COL12A1: variants seen among roughly 807,000 people sequenced by gnomAD.
COL12A1 encodes collagen type XII alpha 1 chain.
In COL12A1, 114 loss-of-function variants were observed where a neutral mutation model predicts 349.7. The ratio of observed to expected loss-of-function variants is 0.33; its 90% CI spans 0.28 to 0.38. COL12A1 has a LOEUF of 0.38. COL12A1 is among the 10% of genes least tolerant of loss of function. COL12A1 has a pLI of 1.00. For missense variants in COL12A1, 3,284 were observed against 3,756.9 expected, an observed-to-expected ratio of 0.87 and a Z score of 3.29; for synonymous variants, 1,369 against 1,329.0, an observed-to-expected ratio of 1.03 and a Z score of -0.66.
chr6:75,091,581 C>T, intron 60 of COL12A1, 56 bp from the exon 61 acceptor site: 2 of 1,487,094 alleles, frequency 1.3e-6, no homozygotes, highest in East Asian at 4.5e-5. Flanking sequence ...TAAAATGATG[C>T]ATGAATAGAC....
chr6:75,143,197 T>C lies in COL12A1; in HGVS notation c.4827+55A>G, dbSNP rs1242199922. On this transcript the variant is annotated intron_variant, in intron 26 of 65. Transcript: ENST00000322507. ...CATCCATACTTGATAAAGTTCTTTT[T>C]TTAAACCTACTAGGAAAACAAATAT... 7 of 1,601,842 alleles carry C rather than the reference T, an allele frequency of 4.4e-6. No homozygotes were observed. The East Asian group carries it at 8.9e-5, about 20-fold the overall frequency.
At chr6:75,095,057 T>A in intron 60 of COL12A1, 51 bp downstream of exon 60, 1 of 1,516,116 alleles carries the variant, frequency 6.6e-7, no homozygotes, top group Non-Finnish European at 9.1e-7. Flanking sequence ...TTCTCATTAT[T>A]TATTTCCACG....
chr6:75,189,520 T>C, intron 6 of COL12A1, 32 bp downstream of exon 6: 1 of 1,593,634 alleles, frequency 6.3e-7, no homozygotes, highest in Non-Finnish European at 8.5e-7. Context: ...ATTTCATTTA[T>C]TTTTAACTTT....
rs1769795897 is a variant in COL12A1 at position 75,189,229 on chromosome 6, C to A, written c.811G>T (p.Val271Phe). 6.2e-7 allele frequency: 1 copy of A among 1,612,592 alleles called. No individual in the cohort carries two copies. Among genetic ancestry groups the A allele is most frequent in the African/African-American group, 1.3e-5 (1 of 74,856 alleles). Residue 271 changes from valine (V) to phenylalanine (F), a missense_variant, in exon 7 of 66, where the codon GTT (valine) becomes TTT (phenylalanine). Val to Phe is a conservative substitution (Grantham distance 50). Coordinates refer to ENST00000322507, the MANE Select transcript of COL12A1 (RefSeq NM_004370.6). ...GAACTTAACCTACCCAAGGAGAAAA[C>A]TTCAACTCCAACATTACGAAGCTCT... ...ARELRNVGVE[V>F]FSLGIKAADA...
chr6:75,197,297 A>C (rs1350348209), intron 2 of COL12A1, among the ~76,000 whole-genome samples: 2 of 97,156 alleles, frequency 2.1e-5, no homozygotes, highest in Non-Finnish European at 4.3e-5. Context: ...TGATGCTGGA[A>C]ATTTTCTTTT....
intron 37 of COL12A1, among the ~76,000 whole-genome samples, chr6:75,128,707 T>C (rs1293866573): frequency 6.6e-6 from 1 of 152,172 alleles, no homozygotes; most frequent in East Asian, 1.9e-4. Flanking sequence ...AGCAATGCCA[T>C]GTGTGCTTCA....
chr6:75,121,450 A>C lies in COL12A1; in HGVS notation c.6947-9T>G. The C allele has an allele frequency of 2.0e-6, 3 of 1,534,160 alleles. No homozygotes were observed. The highest frequency in any genetic ancestry group is 8.8e-7 in the Non-Finnish European group (1 of 1,132,798). ...CTTGGCCCCTTTGCATACTGCAAAAAAAGAAAGCAGAGGAAGCCCCAAATC... is the reference window on the plus strand; with the variant it reads ...CTTGGCCCCTTTGCATACTGCAAAACAAGAAAGCAGAGGAAGCCCCAAATC... On this transcript the variant is annotated splice_polypyrimidine_tract_variant and intron_variant, in intron 43 of 65. Coordinates refer to ENST00000322507, the MANE Select transcript of COL12A1 (RefSeq NM_004370.6).
In COL12A1 at chr6:75,148,503, C is replaced by T; in HGVS notation, c.4148-6G>A. The T allele has an allele frequency of 1.9e-6, 3 of 1,611,230 alleles. No homozygotes were observed. The highest frequency in any genetic ancestry group is 1.3e-5 in the African/African-American group (1 of 74,936). On this transcript the variant is annotated splice_polypyrimidine_tract_variant and splice_region_variant and intron_variant, in intron 21 of 65. Transcript: ENST00000322507. Reference sequence around the variant, plus strand: ...AGAAGGTGCTTCCAAATCACCTACACATGGAAATAAAGGGTATACACTTTT... The same window carrying T: ...AGAAGGTGCTTCCAAATCACCTACATATGGAAATAAAGGGTATACACTTTT...
intron 13 of COL12A1, among the ~76,000 whole-genome samples, chr6:75,169,366 C>T (rs1768502995): frequency 6.6e-6 from 1 of 152,156 alleles, no homozygotes; most frequent in South Asian, 2.1e-4. Context: ...TGCCAGAAGA[C>T]CAGTCTGTAG....
chr6:75,123,570 T>C (rs1765853735), intron 42 of COL12A1, among the ~76,000 whole-genome samples, 166 bp from the exon 43 acceptor site: 1 of 152,158 alleles, frequency 6.6e-6, no homozygotes, highest in African/African-American at 2.4e-5. Context: ...TCCATCCAAA[T>C]TGATGTCACT....
At position 75,183,914 on chromosome 6, in the gene COL12A1, T is replaced by C; in HGVS notation, c.1228A>G (p.Met410Val). Residue 410 changes from methionine (M) to valine (V), a missense_variant, in exon 9 of 66, where the codon ATG becomes GTG. Physicochemically the swap from Met to Val is conservative, Grantham distance 21 (BLOSUM62 1). Around this residue, in one of 2 missense-constraint regions of COL12A1, gnomAD observed 2,601 missense variants for 2,824.8 expected, o/e 0.92. Coordinates refer to ENST00000322507, the MANE Select transcript of COL12A1 (RefSeq NM_004370.6). ...YQISVSAMKG[M>V]TSSEPISIME... ...ATTGAAATGGGTTCACTGGATGTCA[T>C]TCCCTTCATGGCGGAAACACTGATC... The C allele has an allele frequency of 1.9e-6, 3 of 1,614,202 alleles. No individual in the cohort carries two copies. The highest frequency in any genetic ancestry group is 1.1e-5 in the South Asian group (1 of 91,088).
At chr6:75,143,165 A>C in intron 26 of COL12A1, 87 bp downstream of exon 26, 1 of 1,452,956 alleles carries the variant, frequency 6.9e-7, no homozygotes, top group Admixed American at 1.9e-5. Context: ...TATTCAAAAC[A>C]TGCTATCATC....
At chr6:75,156,677 C>T (rs999785549) in intron 14 of COL12A1, among the ~76,000 whole-genome samples, 154 bp from the exon 15 acceptor site, 4 of 152,100 alleles carry the variant, frequency 2.6e-5, no homozygotes, top group South Asian at 4.1e-4. Flanking sequence ...TTCATGATGG[C>T]GTGTGAGCCT....
At chr6:75,093,462 T>C (rs1297279526) in intron 60 of COL12A1, among the ~76,000 whole-genome samples, 1 of 152,150 alleles carries the variant, frequency 6.6e-6, no homozygotes, top group Non-Finnish European at 1.5e-5. Flanking sequence ...ATGCTATGTT[T>C]GGTTTCATTA....
At chr6:75,190,099 G>A (rs1442957927) in intron 5 of COL12A1, among the ~76,000 whole-genome samples, 6 of 151,856 alleles carry the variant, frequency 4.0e-5, no homozygotes, top group East Asian at 1.9e-4. Context: ...TCTGCTCTCC[G>A]GGAGCATAAA....
chr6:75,133,893 A>C lies in COL12A1; in HGVS notation c.5629T>G (p.Phe1877Val), dbSNP rs1416074718. 1.9e-5 allele frequency: 30 copies of C among 1,614,026 alleles called. No homozygotes were observed. The highest frequency in any genetic ancestry group is 2.5e-5 in the Non-Finnish European group (30 of 1,180,000). ...AEGNPRQYKLFYAPAAGGPEE... is the reference protein window; with the variant it reads ...AEGNPRQYKLVYAPAAGGPEE... ...GGACCACCTGCTGCTGGTGCATAGA[A>C]GAGCTTGTACTGACGAGGATTTCCC... is the stretch of plus-strand genomic sequence containing the variant. The change falls in exon 33 of 66, where the codon TTC (phenylalanine) becomes GTC (valine). Residue 1877 changes from phenylalanine to valine, a missense_variant. This residue lies in a region of COL12A1 where 2,601 missense variants were observed against 2,824.8 expected (regional missense o/e 0.92). Coordinates refer to ENST00000322507, the MANE Select transcript of COL12A1 (RefSeq NM_004370.6).
chr6:75,129,505 G>C (rs906981058), intron 37 of COL12A1, among the ~76,000 whole-genome samples: 2 of 152,196 alleles, frequency 1.3e-5, no homozygotes, highest in African/African-American at 4.8e-5. Context: ...AAATGGATGT[G>C]CATAGTGAGG....
rs1188817520 is a variant in COL12A1 at position 75,121,365 on chromosome 6, T to C, written c.7023A>G (p.Lys2341=). 19 of 1,611,948 alleles carry C rather than the reference T, an allele frequency of 1.2e-5. No individual in the cohort carries two copies. The highest frequency in any genetic ancestry group is 1.5e-5 in the Non-Finnish European group (18 of 1,178,638). ...SWSIGDDNFN[K]VVKFIFNTVG... Reference sequence around the variant, plus strand: ...CAGTATTGAAGATGAATTTTACAACTTTGTTAAAATTATCGTCCCCAATGC... The same window carrying C: ...CAGTATTGAAGATGAATTTTACAACCTTGTTAAAATTATCGTCCCCAATGC... Residue 2341 remains lysine (K), a synonymous_variant, in exon 44 of 66, where the codon AAA becomes AAG. Transcript: ENST00000322507.
chr6:75,202,757 C>G lies in COL12A1; in HGVS notation c.36G>C (p.Leu12=), dbSNP rs1353311587. Residue 12 remains leucine (L), a synonymous_variant, in exon 2 of 66, where the codon CTG becomes CTC. Coordinates refer to ENST00000322507, the MANE Select transcript of COL12A1 (RefSeq NM_004370.6). Reference sequence around the variant, plus strand: ...TGGAAGACAGGAGCAGGGCCGCGCCCAGGGCGGCAAGCGCTGGGGGAAGCC... The same window carrying G: ...TGGAAGACAGGAGCAGGGCCGCGCCGAGGGCGGCAAGCGCTGGGGGAAGCC... ...RSRLPPALAA[L]GAALLLSSIE... is the part of the protein sequence containing the mutation. 1 of 1,551,944 alleles carries G rather than the reference C, an allele frequency of 6.4e-7. No homozygotes were observed.
Sources: allele counts gnomAD v4.1 joint callset (sites outside exome capture counted in the v4.1 genomes callset), GRCh38; gene constraint gnomAD v4.1.1; regional missense constraint gnomAD v4.1.1; transcripts MANE v1.5; gene names NCBI Gene and HGNC (gene_info 2026-07-23, HGNC 2026-07-21).